ZSWIM6: variants seen among roughly 807,000 people sequenced by gnomAD.
The protein encoded by ZSWIM6 is zinc finger SWIM domain-containing protein 6.
Under a neutral mutation model 113.2 loss-of-function variants are expected in ZSWIM6, and 9 were observed. The ratio of observed to expected loss-of-function variants is 0.08; its 90% CI spans 0.05 to 0.14. ZSWIM6 has a LOEUF of 0.14. ZSWIM6 is among the 10% of genes least tolerant of loss of function. The probability of loss-of-function intolerance (pLI) is 1.00; values close to 1 mark genes in which losing one functional copy is unlikely to be tolerated. For synonymous variants in ZSWIM6, 611 were observed against 606.5 expected, an observed-to-expected ratio of 1.01 and a Z score of -0.11; for missense variants, 1,162 against 1,552.2, an observed-to-expected ratio of 0.75 and a Z score of 4.22.
chr5:61,484,518 C>G (rs1339531028), intron 2 of ZSWIM6, among the ~76,000 whole-genome samples: 1 of 152,092 alleles, frequency 6.6e-6, no homozygotes, highest in Non-Finnish European at 1.5e-5. Flanking sequence ...AGTCAAGATT[C>G]TATAGTTGTT....
Position 61,530,179 on chromosome 5 carries a change from T to A in ZSWIM6, c.1965T>A (p.Ser655=), listed in dbSNP as rs1169775853. ...GCCGCATTGATGATGAGAACCTCTC[T>A]GGGTTCTCAGATTTTACAGGTAAAA... is the stretch of plus-strand genomic sequence containing the variant. ...EACRIDDENL[S]GFSDFTENMG... Residue 655 remains serine, a synonymous_variant, in exon 8 of 14, where the codon TCT becomes TCA. Transcript: ENST00000252744. The A allele has an allele frequency of 1.9e-6, 3 of 1,551,382 alleles. No individual in the cohort carries two copies. The highest frequency in any genetic ancestry group is 2.6e-6 in the Non-Finnish European group (3 of 1,146,696).
intron 4 of ZSWIM6, among the ~76,000 whole-genome samples, chr5:61,509,317 T>C (rs1228953944): frequency 6.6e-6 from 1 of 152,232 alleles, no homozygotes; most frequent in African/African-American, 2.4e-5. Context: ...AACTTTTAAT[T>C]TTAAGTTTCT....
intron 5 of ZSWIM6, among the ~76,000 whole-genome samples, chr5:61,522,110 G>GT (rs1174633397): frequency 7.5e-4 from 101 of 134,162 alleles, no homozygotes; most frequent in East Asian, 6.6e-3. Context: ...TTTGTTTTTT[G>GT]TTTTTTTTTA....
chr5:61,338,799 CATT>C (rs1744462387), intron 1 of ZSWIM6, among the ~76,000 whole-genome samples: 3 of 152,190 alleles, frequency 2.0e-5, no homozygotes, highest in African/African-American at 7.2e-5. Context: ...AGGCTATCCT[CATT>C]ATTTTTTTTC....
intron 1 of ZSWIM6, among the ~76,000 whole-genome samples, chr5:61,423,348 C>T (rs1746393036): frequency 6.6e-6 from 1 of 150,790 alleles, no homozygotes; most frequent in Non-Finnish European, 1.5e-5. Flanking sequence ...GTGGAGGTTG[C>T]AGTGAGCTGA....
At chr5:61,421,478 A>G (rs1286041297) in intron 1 of ZSWIM6, among the ~76,000 whole-genome samples, 2 of 152,144 alleles carry the variant, frequency 1.3e-5, no homozygotes, top group Non-Finnish European at 2.9e-5. Flanking sequence ...CATTGTGCAT[A>G]TGTATCACAT....
intron 1 of ZSWIM6, among the ~76,000 whole-genome samples, chr5:61,384,071 C>T (rs1317919829): frequency 6.7e-6 from 1 of 148,920 alleles, no homozygotes; most frequent in African/African-American, 2.5e-5. Flanking sequence ...GAAACCCCGT[C>T]TCTACTAAAA....
At chr5:61,337,203 C>T (rs1744418738) in intron 1 of ZSWIM6, among the ~76,000 whole-genome samples, 3 of 151,986 alleles carry the variant, frequency 2.0e-5, no homozygotes, top group African/African-American at 4.8e-5. Context: ...CGTTTGAACC[C>T]GGGAAGCAGA....
chr5:61,535,834 G>C (rs868825006), intron 10 of ZSWIM6, among the ~76,000 whole-genome samples: 1 of 152,210 alleles, frequency 6.6e-6, no homozygotes, highest in Non-Finnish European at 1.5e-5. Flanking sequence ...GCTGCTATCA[G>C]ACTCAAGCAC....
chr5:61,542,014 T>G, intron 13 of ZSWIM6, 49 bp downstream of exon 13: 1 of 1,483,494 alleles, frequency 6.7e-7, no homozygotes, highest in Non-Finnish European at 9.2e-7. Context: ...CATGGTAGGA[T>G]TTAACTTGTC....
intron 1 of ZSWIM6, among the ~76,000 whole-genome samples, chr5:61,432,025 A>G (rs538151046): frequency 2.4e-4 from 36 of 152,148 alleles, no homozygotes; most frequent in Non-Finnish European, 4.4e-4. Context: ...GCAAATAGCC[A>G]TTTTTAAAAT....
chr5:61,521,928 TA>T (rs1411954153), intron 5 of ZSWIM6, among the ~76,000 whole-genome samples: 1 of 152,194 alleles, frequency 6.6e-6, no homozygotes, highest in Non-Finnish European at 1.5e-5. Flanking sequence ...CTGAAGGACA[TA>T]GAATGCTGTT....
At chr5:61,473,876 A>G (rs1040871807) in intron 2 of ZSWIM6, among the ~76,000 whole-genome samples, 2 of 152,160 alleles carry the variant, frequency 1.3e-5, no homozygotes, top group South Asian at 2.1e-4. Flanking sequence ...TCTCAACCCT[A>G]TTCTTTTAGG....
chr5:61,448,111 T>G (rs1020429333), intron 1 of ZSWIM6, among the ~76,000 whole-genome samples: 5 of 152,208 alleles, frequency 3.3e-5, no homozygotes, highest in African/African-American at 1.2e-4. Context: ...GTTTTAACTT[T>G]CTCAAGTTTT....
intron 1 of ZSWIM6, among the ~76,000 whole-genome samples, chr5:61,419,641 G>C (rs987957914): frequency 6.6e-6 from 1 of 152,152 alleles, no homozygotes; most frequent in African/African-American, 2.4e-5. Context: ...ATATTGAACA[G>C]CTCAGGTATA....
rs1746128892 is a variant in ZSWIM6 at position 61,410,342 on chromosome 5, A to G, written c.677-62339A>G. ...TTTTTTTTTTTTCAGACGGAGTCTCACTCTGTTGCCAGGCTGGAGTGCAGT... is the reference window on the plus strand; with the variant it reads ...TTTTTTTTTTTTCAGACGGAGTCTCGCTCTGTTGCCAGGCTGGAGTGCAGT... On this transcript the variant is annotated intron_variant, in intron 1 of 13. Coordinates refer to ENST00000252744, the MANE Select transcript of ZSWIM6 (RefSeq NM_020928.2). Among the ~76,000 whole-genome samples the G allele has an allele frequency of 1.6e-5, 2 of 129,000 alleles. 1 individual carries two copies. Among genetic ancestry groups the G allele is most frequent in the South Asian group, 4.7e-4 (2 of 4,220 alleles). 84.6% of individuals were successfully genotyped at this position (129,000 alleles called of 152,430 possible). A position where few individuals can be genotyped will look rare whatever the true frequency, so the allele number is the denominator to read the frequency against.
intron 1 of ZSWIM6, among the ~76,000 whole-genome samples, chr5:61,410,252 GCAC>G (rs1441052453): frequency 6.6e-6 from 1 of 151,576 alleles, no homozygotes; most frequent in Non-Finnish European, 1.5e-5. Context: ...ATTGACAATT[GCAC>G]AGAATTTAAG....
chr5:61,542,628 A>G (rs1199324827), intron 13 of ZSWIM6, among the ~76,000 whole-genome samples: 1 of 152,238 alleles, frequency 6.6e-6, no homozygotes, highest in Non-Finnish European at 1.5e-5. Context: ...ATGACACAGC[A>G]TATACTATAA....
chr5:61,443,164 T>C (rs747668219), intron 1 of ZSWIM6, among the ~76,000 whole-genome samples: 12 of 152,208 alleles, frequency 7.9e-5, no homozygotes, highest in Admixed American at 2.0e-4. Context: ...CACTGGACTG[T>C]GGCTGATTAT....
Sources: gnomAD v4.1 joint callset for allele counts (sites outside exome capture counted in the v4.1 genomes callset) on GRCh38, gnomAD v4.1.1 for gene constraint, MANE v1.5 for transcripts, NCBI Gene and HGNC (gene_info 2026-07-23, HGNC 2026-07-21) for gene names.